Variants in EPS15L1 observed in about 807,000 individuals in gnomAD.
EPS15L1 encodes epidermal growth factor receptor substrate 15-like 1.
Under a neutral mutation model 117.1 loss-of-function variants are expected in EPS15L1, and 43 were observed. That is an observed-to-expected ratio of 0.37 (90% confidence interval 0.29 to 0.47). The LOEUF is 0.47. Ranked by LOEUF, EPS15L1 falls within the 20% of genes least tolerant of loss-of-function variation. The pLI is 0.99. For missense variants in EPS15L1, 981 were observed against 1,164.0 expected (o/e 0.84, Z 2.29); for synonymous variants, 459 against 470.5 (o/e 0.98, Z 0.32).
chr19:16,414,645 C>T (rs958130269), intron 12 of EPS15L1, among the ~76,000 whole-genome samples: 4 of 151,804 alleles, frequency 2.6e-5, no homozygotes, highest in African/African-American at 4.8e-5. Context: ...GTGATCCGCC[C>T]GCCTCAGCCT....
chr19:16,444,947 GACCT>G (rs2093069147), intron 1 of EPS15L1, among the ~76,000 whole-genome samples: 1 of 152,144 alleles, frequency 6.6e-6, no homozygotes, highest in African/African-American at 2.4e-5. Flanking sequence ...GGCTGGTCCT[GACCT>G]CAGGTGATCC....
At chr19:16,390,936 GA>G (rs1158803126) in intron 19 of EPS15L1, among the ~76,000 whole-genome samples, 1 of 152,156 alleles carries the variant, frequency 6.6e-6, no homozygotes, top group Non-Finnish European at 1.5e-5. Context: ...ATTGTAAGTT[GA>G]AAATATTTTA....
chr19:16,456,537 A>G (rs1243104379), intron 1 of EPS15L1, among the ~76,000 whole-genome samples: 3 of 151,938 alleles, frequency 2.0e-5, no homozygotes, highest in Non-Finnish European at 2.9e-5. Flanking sequence ...GGTACCTGTA[A>G]TCTCAGCTAC....
intron 1 of EPS15L1, among the ~76,000 whole-genome samples, chr19:16,451,741 G>C (rs1399588562): frequency 1.3e-5 from 2 of 150,842 alleles, no homozygotes; most frequent in Non-Finnish European, 3.0e-5. Context: ...ATGTTAGCCA[G>C]GATGGTCTCG....
At chr19:16,413,613 G>GAAAAAA (rs376439335) in intron 13 of EPS15L1, 160 bp downstream of exon 13, 6 of 618,780 alleles carry the variant, frequency 9.7e-6, no homozygotes, top group South Asian at 2.0e-5. Context: ...AATTCAGCCT[G>GAAAAAA]AAAAAAAAAA....
chr19:16,392,220 A>C, intron 19 of EPS15L1, 84 bp downstream of exon 19: 2 of 1,518,284 alleles, frequency 1.3e-6, no homozygotes, highest in Non-Finnish European at 1.8e-6. Context: ...CGCTCCACGA[A>C]GGGAAGGGGG....
chr19:16,377,270 T>A lies in EPS15L1; in HGVS notation c.2248-16A>T. 1.2e-6 allele frequency: 2 copies of A among 1,608,250 alleles called. No homozygotes were observed. The highest frequency in any genetic ancestry group is 1.7e-6 in the Non-Finnish European group (2 of 1,178,394). On this transcript the variant is annotated splice_polypyrimidine_tract_variant and intron_variant, in intron 21 of 23. Coordinates refer to ENST00000455140, the MANE Select transcript of EPS15L1 (RefSeq NM_001258374.3). ...AAGGTGGGGGCTGTAAGAGAGGACA[T>A]GAAAGAGAGGCAAAAATAGTTGTTA...
intron 6 of EPS15L1, among the ~76,000 whole-genome samples, chr19:16,435,672 T>G (rs1418471618): frequency 1.3e-5 from 2 of 151,712 alleles, no homozygotes; most frequent in Non-Finnish European, 2.9e-5. Context: ...CCTGGGATCC[T>G]CTCCTGGCCA....
chr19:16,439,224 G>A (rs900779458), intron 4 of EPS15L1, among the ~76,000 whole-genome samples: 3 of 152,076 alleles, frequency 2.0e-5, no homozygotes, highest in Non-Finnish European at 4.4e-5. Context: ...GCAGAGTGTA[G>A]AGGATCATAA....
chr19:16,396,679 A>G (rs1230738206), intron 16 of EPS15L1, among the ~76,000 whole-genome samples: 1 of 152,194 alleles, frequency 6.6e-6, no homozygotes, highest in East Asian at 1.9e-4. Context: ...TAAACGGAAA[A>G]ACAAAATTTT....
intron 1 of EPS15L1, among the ~76,000 whole-genome samples, chr19:16,459,683 A>G (rs936604177): frequency 6.6e-6 from 1 of 151,736 alleles, no homozygotes; most frequent in African/African-American, 2.4e-5. Flanking sequence ...AGTGAAATAC[A>G]CTCTGCAATG....
chr19:16,364,663 G>A (rs1005778536), intron 22 of EPS15L1, among the ~76,000 whole-genome samples: 1 of 152,178 alleles, frequency 6.6e-6, no homozygotes, highest in African/African-American at 2.4e-5. Context: ...GAGTTGCCCC[G>A]TTCCCTCTCC....
chr19:16,417,729 T>C, intron 11 of EPS15L1, 92 bp from the exon 12 acceptor site: 1 of 1,256,972 alleles, frequency 8.0e-7, no homozygotes, highest in South Asian at 1.2e-5. Flanking sequence ...GGGATAAAAT[T>C]GTCCCTTTAG....
At chr19:16,398,287 G>GA (rs2092561126) in intron 16 of EPS15L1, among the ~76,000 whole-genome samples, 1 of 152,212 alleles carries the variant, frequency 6.6e-6, no homozygotes, top group African/African-American at 2.4e-5. Flanking sequence ...TCTTACCTGG[G>GA]AAAGAATAGC....
intron 21 of EPS15L1, 42 bp downstream of exon 21, chr19:16,385,087 A>T: frequency 1.3e-6 from 2 of 1,491,304 alleles, no homozygotes; most frequent in Non-Finnish European, 1.9e-6. Context: ...AGAGGCACAA[A>T]GACACTAGCA....
At chr19:16,466,941 C>A (rs919843623) in intron 1 of EPS15L1, among the ~76,000 whole-genome samples, 1 of 151,196 alleles carries the variant, frequency 6.6e-6, no homozygotes, top group African/African-American at 2.4e-5. Flanking sequence ...AGAGCACATG[C>A]GTCACACGGC....
intron 16 of EPS15L1, 126 bp downstream of exon 16, chr19:16,402,195 A>G: frequency 2.0e-6 from 3 of 1,468,764 alleles, no homozygotes; most frequent in South Asian, 1.5e-5. Context: ...CAGCAAAAAC[A>G]ACAGACAGCC....
intron 19 of EPS15L1, among the ~76,000 whole-genome samples, chr19:16,390,678 ATAG>A (rs1239475997): frequency 1.3e-5 from 2 of 152,210 alleles, no homozygotes; most frequent in Non-Finnish European, 2.9e-5. Flanking sequence ...ATCAATAATA[ATAG>A]TATTATAATA....
At chr19:16,406,491 G>C (rs149867879) in intron 13 of EPS15L1, among the ~76,000 whole-genome samples, 4 of 152,212 alleles carry the variant, frequency 2.6e-5, no homozygotes, top group Admixed American at 1.3e-4. Flanking sequence ...CCAATGCTCC[G>C]AGCGATGCTC....
Sources: gnomAD v4.1 joint callset for allele counts (sites outside exome capture counted in the v4.1 genomes callset) on GRCh38, gnomAD v4.1.1 for gene constraint, MANE v1.5 for transcripts, NCBI Gene and HGNC (gene_info 2026-07-23, HGNC 2026-07-21) for gene names.